NFILZ: variants seen among roughly 807,000 people sequenced by gnomAD.
NFILZ encodes NFIL3 like protein.
At chr19:8,638,633 G>A (rs2146137252) in intron 3 of NFILZ, 1 of 152,348 alleles carries the variant, frequency 6.6e-6, no homozygotes, top group East Asian at 1.9e-4. Context: ...CAGAAATAAA[G>A]ATGAAGAGTT....
chr19:8,631,049 C>T (rs891563777), intron 1 of NFILZ, among the ~76,000 whole-genome samples: 1 of 152,186 alleles, frequency 6.6e-6, no homozygotes, highest in African/African-American at 2.4e-5. Flanking sequence ...TAATAGACAC[C>T]TGTGCTTTGC....
intron 3 of NFILZ, among the ~76,000 whole-genome samples, chr19:8,649,779 C>T (rs888125206): frequency 6.6e-6 from 1 of 151,870 alleles, no homozygotes; most frequent in African/African-American, 2.4e-5. Flanking sequence ...TTCACATATG[C>T]CCAGAATTCT....
chr19:8,681,018 G>A lies in NFILZ; in HGVS notation c.*3383G>A, dbSNP rs749734964. Among the ~76,000 whole-genome samples, 4 of 151,960 alleles carry A rather than the reference G, an allele frequency of 2.6e-5. No individual in the cohort carries two copies. The highest frequency in any genetic ancestry group is 5.9e-5 in the Non-Finnish European group (4 of 67,994). ...TGGAGGACTTTGTGGGCCAAGGTGA[G>A]GACTTTGGCTTCCTTTCTGAGTGAT... On this transcript the variant is annotated 3_prime_UTR_variant, in exon 6 of 6. Coordinates refer to ENST00000691075, the MANE Select transcript of NFILZ (RefSeq NM_001378600.1).
At position 8,680,652 on chromosome 19, in the gene NFILZ, A is replaced by G. The variant is rs1439966975; in HGVS notation, c.*3017A>G. Among the ~76,000 whole-genome samples the G allele has an allele frequency of 6.6e-6, 1 of 152,198 alleles. No individual in the cohort carries two copies. The highest frequency in any genetic ancestry group is 1.5e-5 in the Non-Finnish European group (1 of 68,038). ...ATAAGAAAAACATATAGTAGGATCAATGATGATACGTGTCATGGAGAAAAA... is the reference window on the plus strand; with the variant it reads ...ATAAGAAAAACATATAGTAGGATCAGTGATGATACGTGTCATGGAGAAAAA... On this transcript the variant is annotated 3_prime_UTR_variant, in exon 6 of 6. Transcript: ENST00000691075.
rs2043122724 is a variant in NFILZ, at chr19:8,678,090, A to ACTTG, written c.*455_*456insCTTG. ...CATCCATCCATCAATCCATCCATCC[A>ACTTG]TTCCATCCATCCATCCATCCATCCA... On this transcript the variant is annotated 3_prime_UTR_variant, in exon 6 of 6. Transcript: ENST00000691075. 6.0e-3 allele frequency among the ~76,000 whole-genome samples: 5 copies of ACTTG among 828 alleles called. No homozygotes were observed. The highest frequency in any genetic ancestry group is 7.1e-3 in the Non-Finnish European group (3 of 424). 0.5% of individuals were successfully genotyped at this position (828 alleles called of 152,430 possible).
intron 3 of NFILZ, among the ~76,000 whole-genome samples, chr19:8,671,753 A>T (rs552084355): frequency 6.6e-6 from 1 of 152,200 alleles, no homozygotes; most frequent in South Asian, 2.1e-4. Context: ...GGACCTCTAC[A>T]CAGATGTTCA....
intron 3 of NFILZ, among the ~76,000 whole-genome samples, chr19:8,669,726 C>A (rs111657727): frequency 1.3e-5 from 2 of 152,120 alleles, no homozygotes; most frequent in African/African-American, 4.8e-5. Context: ...TCTGGCTGTG[C>A]GACCTCAGGC....
chr19:8,637,722 C>A (rs1288857921), intron 3 of NFILZ, among the ~76,000 whole-genome samples: 5 of 151,266 alleles, frequency 3.3e-5, no homozygotes, highest in African/African-American at 1.2e-4. Flanking sequence ...GCCTGACCAA[C>A]ATAGTGAAAC....
At chr19:8,659,147 T>C (rs969992588) in intron 3 of NFILZ, among the ~76,000 whole-genome samples, 4 of 150,996 alleles carry the variant, frequency 2.6e-5, no homozygotes. Flanking sequence ...CTCGGGAGGC[T>C]GAGGCAGGAG....
chr19:8,664,449 C>T (rs916650424), intron 3 of NFILZ, among the ~76,000 whole-genome samples: 2 of 146,234 alleles, frequency 1.4e-5, no homozygotes, highest in East Asian at 2.3e-4. Flanking sequence ...CAACGGCTTC[C>T]GGTCTCTTCC....
chr19:8,645,797 G>GAGGC (rs1428004074), intron 3 of NFILZ, among the ~76,000 whole-genome samples: 7 of 152,148 alleles, frequency 4.6e-5, no homozygotes, highest in Non-Finnish European at 1.0e-4. Flanking sequence ...TGGCAGAGGA[G>GAGGC]AGGCACCAGA....
Position 8,677,021 on chromosome 19 carries a change from G to A in NFILZ, c.256G>A (p.Gly86Ser), listed in dbSNP as rs1345074613. The part of the protein sequence containing the change: ...ALMEENALLK[G>S]ELKALKLRFG... ...GATGGAGGAGAATGCCCTGCTCAAGGGTGAGCTGAAGGCGCTCAAGCTTCG... is the reference window on the plus strand; with the variant it reads ...GATGGAGGAGAATGCCCTGCTCAAGAGTGAGCTGAAGGCGCTCAAGCTTCG... Residue 86 changes from glycine to serine, a missense_variant, in exon 6 of 6, where the codon GGT (glycine) becomes AGT (serine). By Grantham distance (56) the Gly-to-Ser change is moderately conservative. Coordinates refer to ENST00000691075, the MANE Select transcript of NFILZ (RefSeq NM_001378600.1). 4 of 152,576 alleles carry A rather than the reference G, an allele frequency of 2.6e-5. No homozygotes were observed. The highest frequency in any genetic ancestry group is 9.6e-5 in the African/African-American group (4 of 41,484). The allele number at this position is 152,576 out of a possible 1,614,324, so 9.5% of individuals were successfully genotyped here. A position where few individuals can be genotyped will look rare whatever the true frequency, so the allele number is the denominator to read the frequency against.
At chr19:8,663,758 G>GTATGTGTGTGTGTATGTGTGTA (rs1555749464) in intron 3 of NFILZ, among the ~76,000 whole-genome samples, 1 of 148,438 alleles carries the variant, frequency 6.7e-6, no homozygotes, top group African/African-American at 2.5e-5. Flanking sequence ...GTGTGTGTGT[G>GTATGTGTGTGTGTATGTGTGTA]TGTGTGTGTG....
chr19:8,656,610 C>A (rs2043004851), intron 3 of NFILZ, among the ~76,000 whole-genome samples: 1 of 151,932 alleles, frequency 6.6e-6, no homozygotes, highest in South Asian at 2.1e-4. Flanking sequence ...ACGGGTGCAG[C>A]CCCCGTACCT....
rs1380438694 is a variant in NFILZ at position 8,680,953 on chromosome 19, A to G, written c.*3318A>G. Among the ~76,000 whole-genome samples, 1 of 151,804 alleles carries G rather than the reference A, an allele frequency of 6.6e-6. No homozygotes were observed. On this transcript the variant is annotated 3_prime_UTR_variant, in exon 6 of 6. Transcript: ENST00000691075. ...GGAGTGGAGTGAGTAAGGGGGAGAG[A>G]GGGAGGAGGCGAGGGCAGGGAGGTG...
chr19:8,659,441 G>A (rs1032527752), intron 3 of NFILZ, among the ~76,000 whole-genome samples: 3 of 151,826 alleles, frequency 2.0e-5, no homozygotes, highest in South Asian at 2.1e-4. Context: ...GAGGAAGAGC[G>A]TTGCAGGCAC....
chr19:8,664,935 G>A (rs572973607), intron 3 of NFILZ, among the ~76,000 whole-genome samples: 1 of 152,200 alleles, frequency 6.6e-6, no homozygotes, highest in East Asian at 1.9e-4. Flanking sequence ...TGCTTGGTTA[G>A]TGAGCTGGAA....
intron 3 of NFILZ, among the ~76,000 whole-genome samples, chr19:8,654,898 A>G (rs1195805638): frequency 1.3e-5 from 2 of 152,100 alleles, no homozygotes; most frequent in East Asian, 1.9e-4. Context: ...CCTGGAGTCC[A>G]GTCAACCCCG....
At chr19:8,660,219 C>T (rs1165211702) in intron 3 of NFILZ, among the ~76,000 whole-genome samples, 3 of 152,036 alleles carry the variant, frequency 2.0e-5, no homozygotes, top group African/African-American at 4.8e-5. Flanking sequence ...TCTGGGCCTC[C>T]GGGGGAAAAA....
Sources: gnomAD v4.1 joint callset for allele counts (sites outside exome capture counted in the v4.1 genomes callset) on GRCh38, gnomAD v4.1.1 for gene constraint, MANE v1.5 for transcripts, NCBI Gene and HGNC (gene_info 2026-07-23, HGNC 2026-07-21) for gene names.